Variants in KAZN observed in about 807,000 individuals in gnomAD.
KAZN encodes kazrin.
Under a neutral mutation model 87.4 loss-of-function variants are expected in KAZN, and 40 were observed. The ratio of observed to expected loss-of-function variants is 0.46; its 90% CI spans 0.36 to 0.60. KAZN has a LOEUF of 0.60. Among genes scored for constraint, KAZN ranks in the 20% least tolerant of loss-of-function variants. The probability of loss-of-function intolerance (pLI) is 0.00; values close to 1 mark genes in which losing one functional copy is unlikely to be tolerated. For missense variants in KAZN, 898 were observed against 1,073.9 expected (o/e 0.84, Z 2.29); for synonymous variants, 466 against 458.3 (o/e 1.02, Z -0.22).
chr1:14,139,237 T>A (rs1186984372), intron 1 of KAZN, among the ~76,000 whole-genome samples: 1 of 152,208 alleles, frequency 6.6e-6, no homozygotes, highest in Non-Finnish European at 1.5e-5. Flanking sequence ...CATAGCCCAT[T>A]GCTGCAAGAT....
chr1:14,487,315 G>A (rs1669401125), intron 2 of KAZN, among the ~76,000 whole-genome samples: 1 of 152,172 alleles, frequency 6.6e-6, no homozygotes, highest in Non-Finnish European at 1.5e-5. Context: ...TGGACAATAT[G>A]TAAGCATACT....
At chr1:14,411,919 T>C (rs1664340640) in intron 2 of KAZN, among the ~76,000 whole-genome samples, 1 of 152,224 alleles carries the variant, frequency 6.6e-6, no homozygotes, top group Non-Finnish European at 1.5e-5. Context: ...TAAAGTAAAA[T>C]AGACACAATT....
chr1:14,156,767 G>A (rs1645602137), intron 1 of KAZN, among the ~76,000 whole-genome samples: 1 of 152,034 alleles, frequency 6.6e-6, no homozygotes. Context: ...ACAAATCATT[G>A]GGTCTTGTTT....
At chr1:14,434,735 A>T (rs1175592994) in intron 2 of KAZN, among the ~76,000 whole-genome samples, 2 of 151,904 alleles carry the variant, frequency 1.3e-5, no homozygotes, top group Admixed American at 6.6e-5. Flanking sequence ...TGACAGGAAC[A>T]TGTGCTGGGA....
intron 1 of KAZN, among the ~76,000 whole-genome samples, chr1:14,888,420 G>A (rs1654347043): frequency 6.6e-6 from 1 of 152,174 alleles, no homozygotes; most frequent in Non-Finnish European, 1.5e-5. Flanking sequence ...AGGTCAGGTA[G>A]GAGGCTCCAA....
chr1:14,004,221 T>C (rs1210978695), intron 1 of KAZN, among the ~76,000 whole-genome samples: 7 of 152,056 alleles, frequency 4.6e-5, no homozygotes, highest in African/African-American at 1.7e-4. Context: ...ACAGATGATA[T>C]CTAATGTTGA....
intron 2 of KAZN, among the ~76,000 whole-genome samples, chr1:14,575,566 G>T (rs1675128668): frequency 1.3e-5 from 2 of 152,160 alleles, no homozygotes; most frequent in Admixed American, 1.3e-4. Context: ...TTTGGGTGAG[G>T]ACACAGCCAA....
chr1:14,401,733 A>T (rs1455581708), intron 2 of KAZN, among the ~76,000 whole-genome samples: 1 of 152,178 alleles, frequency 6.6e-6, no homozygotes, highest in Non-Finnish European at 1.5e-5. Flanking sequence ...CTATCAATAT[A>T]ATTCATTTAT....
At chr1:14,891,046 G>A (rs1481155073) in intron 1 of KAZN, among the ~76,000 whole-genome samples, 3 of 150,932 alleles carry the variant, frequency 2.0e-5, no homozygotes, top group Admixed American at 1.3e-4. Context: ...GAGTTTCACC[G>A]TGTTAGCCAG....
rs572213705 is a variant in KAZN, at chr1:14,101,277, C to T, written c.92-79158C>T. Among the ~76,000 whole-genome samples the T allele has an allele frequency of 1.4e-3, 212 of 152,334 alleles. 1 individual carries two copies. The Middle Eastern group carries it at 0.02, about 15-fold the overall frequency. ...CCACTGCACCACTATTTATTACGTGCTTATTATGTGCACGGCATCATAATA... is the reference window on the plus strand; with the variant it reads ...CCACTGCACCACTATTTATTACGTGTTTATTATGTGCACGGCATCATAATA... On this transcript the variant is annotated intron_variant, in intron 1 of 16. Transcript: ENST00000636203.
At chr1:15,031,179 G>A (rs1414707328) in intron 2 of KAZN, among the ~76,000 whole-genome samples, 1 of 152,244 alleles carries the variant, frequency 6.6e-6, no homozygotes, top group Non-Finnish European at 1.5e-5. Flanking sequence ...TCAATGTGGA[G>A]GCAGCAGAAC....
intron 1 of KAZN, among the ~76,000 whole-genome samples, chr1:14,700,607 A>G (rs1417241520): frequency 3.9e-5 from 6 of 152,144 alleles, no homozygotes; most frequent in Admixed American, 1.3e-4. Flanking sequence ...CAAATATTGT[A>G]GTGACAAATG....
chr1:15,107,807 G>A (rs1338765561), intron 13 of KAZN, among the ~76,000 whole-genome samples: 6 of 152,202 alleles, frequency 3.9e-5, no homozygotes, highest in Non-Finnish European at 8.8e-5. Context: ...ACATGAGCTA[G>A]TGGTTTTAGG....
rs1646292200 is a variant in KAZN at position 14,185,815 on chromosome 1, G to T, written c.249+5223G>T. ...AATACTCTTGTTCTGTTAAGCTTGT[G>T]TCTAGGGTTTTTTTAAATTGATAGA... is the stretch of plus-strand genomic sequence containing the variant. On this transcript the variant is annotated intron_variant, in intron 2 of 16. Transcript: ENST00000636203. Among the ~76,000 whole-genome samples, 3 of 152,150 alleles carry T rather than the reference G, an allele frequency of 2.0e-5. No homozygotes were observed. In the South Asian group the frequency reaches 6.2e-4, roughly 32 times the overall value.
At chr1:14,911,407 C>T (rs1285658521) in intron 1 of KAZN, among the ~76,000 whole-genome samples, 1 of 152,258 alleles carries the variant, frequency 6.6e-6, no homozygotes, top group Non-Finnish European at 1.5e-5. Context: ...CCCCAGCTAG[C>T]TTGCCCAGTG....
At chr1:14,270,958 A>G (rs972212831) in intron 2 of KAZN, among the ~76,000 whole-genome samples, 2 of 152,162 alleles carry the variant, frequency 1.3e-5, no homozygotes, top group African/African-American at 4.8e-5. Context: ...GCGCACGGAG[A>G]AAGGGTTTGC....
chr1:14,388,374 C>G (rs1484766191), intron 2 of KAZN, among the ~76,000 whole-genome samples: 1 of 152,160 alleles, frequency 6.6e-6, no homozygotes, highest in Non-Finnish European at 1.5e-5. Context: ...TCATATGGAA[C>G]CACAAAAGAC....
intron 2 of KAZN, among the ~76,000 whole-genome samples, chr1:14,279,167 G>T (rs983676250): frequency 2.0e-5 from 3 of 152,066 alleles, no homozygotes; most frequent in Non-Finnish European, 2.9e-5. Context: ...AAATACTAAA[G>T]ACTTTTTATT....
At chr1:14,099,139 G>A (rs995366710) in intron 1 of KAZN, among the ~76,000 whole-genome samples, 27 of 152,248 alleles carry the variant, frequency 1.8e-4, no homozygotes, top group African/African-American at 6.3e-4. Flanking sequence ...CCCATGTGAA[G>A]TTTGACAAAT....
Sources: allele counts gnomAD v4.1 joint callset (sites outside exome capture counted in the v4.1 genomes callset), GRCh38; gene constraint gnomAD v4.1.1; transcripts MANE v1.5; gene names NCBI Gene and HGNC (gene_info 2026-07-23, HGNC 2026-07-21).